Variants in SCHIP1 observed in about 807,000 individuals in gnomAD.
The protein encoded by SCHIP1 is schwannomin interacting protein 1.
In SCHIP1, 8 loss-of-function variants were observed where a neutral mutation model predicts 29.7. That is an observed-to-expected ratio of 0.27 (90% CI 0.16 to 0.49). The LOEUF (loss-of-function observed/expected upper bound fraction) is 0.49, where lower values mean the gene tolerates loss of function less well. Ranked by LOEUF, SCHIP1 falls within the 20% of genes least tolerant of loss-of-function variation. The pLI, the probability that SCHIP1 is intolerant of heterozygous loss-of-function variation, is 0.99. For missense variants in SCHIP1, 193 were observed against 294.6 expected, an observed-to-expected ratio of 0.66 and a Z score of 2.52; for synonymous variants, 76 against 94.9, an observed-to-expected ratio of 0.80 and a Z score of 1.16.
At chr3:159,349,264 C>T in the SCHIP1 span, among the ~76,000 whole-genome samples, 68 of 152,198 alleles carry the variant, frequency 4.5e-4, no homozygotes, top group African/African-American at 1.5e-3. Flanking sequence ...GTCGTGCAAG[C>T]GATGTTCATA....
At chr3:159,733,001 A>G in the SCHIP1 span, among the ~76,000 whole-genome samples, 1 of 152,222 alleles carries the variant, frequency 6.6e-6, no homozygotes, top group African/African-American at 2.4e-5. Context: ...GAAGCACTGC[A>G]GTAGGAGACT....
chr3:159,843,608 C>G (rs1288532940), intron 1 of SCHIP1, among the ~76,000 whole-genome samples: 1 of 151,892 alleles, frequency 6.6e-6, no homozygotes, highest in Non-Finnish European at 1.5e-5. Context: ...ATCACGAGGT[C>G]AGGAGATCGA....
chr3:159,476,688 C>T, the SCHIP1 span, among the ~76,000 whole-genome samples: 37 of 152,094 alleles, frequency 2.4e-4, no homozygotes, highest in African/African-American at 8.2e-4. Flanking sequence ...TATTTTTAAT[C>T]GGCAAATCAT....
the SCHIP1 span, among the ~76,000 whole-genome samples, chr3:159,414,449 T>C: frequency 0.017 from 2,661 of 152,334 alleles, 84 homozygotes; most frequent in African/African-American, 0.062. Flanking sequence ...GAAGCCACAC[T>C]CTTTCCAGGT....
the SCHIP1 span, among the ~76,000 whole-genome samples, chr3:159,655,660 C>T: frequency 6.6e-6 from 1 of 152,034 alleles, no homozygotes; most frequent in African/African-American, 2.4e-5. Flanking sequence ...GAGGCTGAAG[C>T]GGGAGAATCA....
At chr3:159,450,349 C>T in the SCHIP1 span, among the ~76,000 whole-genome samples, 3,744 of 152,256 alleles carry the variant, frequency 0.025, 160 homozygotes, top group African/African-American at 0.086. Context: ...GCCCCTAACT[C>T]CAGAATGCCT....
the SCHIP1 span, among the ~76,000 whole-genome samples, chr3:159,599,311 A>G: frequency 1.3e-5 from 2 of 152,100 alleles, no homozygotes; most frequent in Admixed American, 6.5e-5. Flanking sequence ...TGGTTACATG[A>G]ATAAGTTCTT....
the SCHIP1 span, among the ~76,000 whole-genome samples, chr3:159,468,718 TTA>T: frequency 5.0e-3 from 720 of 144,764 alleles, 6 homozygotes; most frequent in African/African-American, 0.016. Context: ...CACGAGTGTT[TTA>T]TATATATATA....
chr3:159,553,106 TC>T, the SCHIP1 span, among the ~76,000 whole-genome samples: 1 of 152,246 alleles, frequency 6.6e-6, no homozygotes, highest in African/African-American at 2.4e-5. Flanking sequence ...CAAATAATTT[TC>T]CTTTCTAATC....
At chr3:159,492,610 C>G in the SCHIP1 span, among the ~76,000 whole-genome samples, 1 of 152,162 alleles carries the variant, frequency 6.6e-6, no homozygotes, top group East Asian at 1.9e-4. Context: ...TTGAAAAGAC[C>G]AAAACTACGT....
chr3:159,463,129 T>C, the SCHIP1 span, among the ~76,000 whole-genome samples: 1 of 151,796 alleles, frequency 6.6e-6, no homozygotes, highest in African/African-American at 2.4e-5. Flanking sequence ...ATACATACTA[T>C]ATATACAGTA....
chr3:159,399,693 T>C, the SCHIP1 span, among the ~76,000 whole-genome samples: 1 of 152,070 alleles, frequency 6.6e-6, no homozygotes, highest in African/African-American at 2.4e-5. Flanking sequence ...ATATATATAT[T>C]AGAGATAGGG....
chr3:159,561,833 G>A, the SCHIP1 span, among the ~76,000 whole-genome samples: 1 of 152,100 alleles, frequency 6.6e-6, no homozygotes, highest in Non-Finnish European at 1.5e-5. Flanking sequence ...CCCCTCTGGA[G>A]CAATAGAATT....
chr3:159,823,928 A>G, the SCHIP1 span, among the ~76,000 whole-genome samples: 1 of 152,208 alleles, frequency 6.6e-6, no homozygotes, highest in East Asian at 1.9e-4. Context: ...AACTGGTGAA[A>G]CATGACCACG....
At chr3:159,889,940 C>CA (rs1308810572) in intron 5 of SCHIP1, among the ~76,000 whole-genome samples, 16 of 151,866 alleles carry the variant, frequency 1.1e-4, no homozygotes, top group African/African-American at 3.6e-4. Flanking sequence ...ATTAAAAATA[C>CA]AAAAAATTAG....
the SCHIP1 span, among the ~76,000 whole-genome samples, chr3:159,564,567 G>A: frequency 2.0e-5 from 3 of 152,078 alleles, no homozygotes; most frequent in South Asian, 4.1e-4. Flanking sequence ...GTAGAGACAG[G>A]GTTTCTCCAT....
the SCHIP1 span, among the ~76,000 whole-genome samples, chr3:159,424,717 G>C: frequency 1.2e-4 from 18 of 152,150 alleles, no homozygotes; most frequent in Non-Finnish European, 2.1e-4. Flanking sequence ...CTCGAGAAGA[G>C]CAAGTCCAAG....
the SCHIP1 span, among the ~76,000 whole-genome samples, chr3:159,408,603 T>C: frequency 6.6e-6 from 1 of 152,070 alleles, no homozygotes; most frequent in African/African-American, 2.4e-5. Flanking sequence ...ACATACAACC[T>C]GAGCAGACCA....
chr3:159,493,140 C>A, the SCHIP1 span, among the ~76,000 whole-genome samples: 2 of 152,160 alleles, frequency 1.3e-5, no homozygotes, highest in South Asian at 2.1e-4. Context: ...CCAGCCACTG[C>A]AAAAACATGC....
Sources: allele counts gnomAD v4.1 joint callset (sites outside exome capture counted in the v4.1 genomes callset), GRCh38; gene constraint gnomAD v4.1.1; transcripts MANE v1.5; gene names NCBI Gene and HGNC (gene_info 2026-07-23, HGNC 2026-07-21).